Variants in EXOC4 observed in about 807,000 individuals in gnomAD.
EXOC4 encodes exocyst complex component 4.
EXOC4 carries 71 observed loss-of-function variants against 107.2 expected under a neutral mutation model. The observed-to-expected ratio is 0.66, with a 90% CI of 0.55 to 0.81. EXOC4 has a LOEUF of 0.81. EXOC4 is among the 30% of genes least tolerant of loss of function. The probability of loss-of-function intolerance (pLI) is 0.00; values close to 1 mark genes in which losing one functional copy is unlikely to be tolerated. For missense variants in EXOC4, 1,108 were observed against 1,189.6 expected, an observed-to-expected ratio of 0.93 and a Z score of 1.01; for synonymous variants, 456 against 441.2, an observed-to-expected ratio of 1.03 and a Z score of -0.42.
intron 7 of EXOC4, among the ~76,000 whole-genome samples, chr7:133,380,784 A>G (rs1011964933): frequency 1.3e-5 from 2 of 152,206 alleles, no homozygotes; most frequent in Non-Finnish European, 2.9e-5. Flanking sequence ...GTTAATGCAT[A>G]CATGTACCAA....
rs571009168 is a variant in EXOC4 at position 133,633,880 on chromosome 7, C to G, written c.1514+3739C>G. ...ATCCCTTTCAAGTGCGTAGGTCCTT[C>G]ACTTTCCTTTGCTACTTTTTCCCTA... is the stretch of plus-strand genomic sequence containing the variant. On this transcript the variant is annotated intron_variant, in intron 10 of 17. Transcript: ENST00000253861. 9.2e-5 allele frequency among the ~76,000 whole-genome samples: 14 copies of G among 152,202 alleles called. No individual in the cohort carries two copies. The South Asian group carries it at 2.9e-3, about 32-fold the overall frequency.
At chr7:133,255,871 A>G (rs1795004740) in intron 1 of EXOC4, among the ~76,000 whole-genome samples, 1 of 151,828 alleles carries the variant, frequency 6.6e-6, no homozygotes, top group Admixed American at 6.6e-5. Context: ...CCAGGAATGT[A>G]TGTTTCTTGT....
chr7:133,306,523 C>T (rs1794757435), intron 4 of EXOC4, among the ~76,000 whole-genome samples: 1 of 152,002 alleles, frequency 6.6e-6, no homozygotes, highest in Admixed American at 6.6e-5. Flanking sequence ...CAGAGCAAGA[C>T]TCTGTCTCTA....
chr7:133,474,621 A>AT (rs2150847801), intron 7 of EXOC4, among the ~76,000 whole-genome samples: 1 of 152,038 alleles, frequency 6.6e-6, no homozygotes, highest in Admixed American at 6.5e-5. Flanking sequence ...CTAGTAGTTG[A>AT]TTTTTTAAAA....
chr7:133,712,439 CAAAAAAAAAAAAAAAAA>C (rs58629398), intron 10 of EXOC4, among the ~76,000 whole-genome samples: 5 of 30,196 alleles, frequency 1.7e-4, no homozygotes, highest in Admixed American at 5.9e-4. Context: ...AACTCTGTCT[CAAAAAAAAAAAAAAAAA>C]AAAAAAAAAA....
intron 9 of EXOC4, among the ~76,000 whole-genome samples, chr7:133,607,478 A>C (rs1054588791): frequency 2.0e-5 from 3 of 152,260 alleles, no homozygotes; most frequent in Non-Finnish European, 4.4e-5. Flanking sequence ...ATTCGGCAGC[A>C]TCAAAAGGAC....
intron 9 of EXOC4, among the ~76,000 whole-genome samples, chr7:133,621,719 C>T (rs1802334584): frequency 6.6e-6 from 1 of 152,206 alleles, no homozygotes; most frequent in South Asian, 2.1e-4. Flanking sequence ...CTTGGAATTT[C>T]CCTTATTTCC....
intron 14 of EXOC4, among the ~76,000 whole-genome samples, chr7:133,955,451 G>A (rs1402536337): frequency 6.6e-6 from 1 of 152,190 alleles, no homozygotes; most frequent in Non-Finnish European, 1.5e-5. Context: ...ATCCTGTCGA[G>A]TGCTTAAGTC....
chr7:133,947,253 T>G (rs1037824784), intron 14 of EXOC4, among the ~76,000 whole-genome samples: 4 of 152,216 alleles, frequency 2.6e-5, no homozygotes, highest in African/African-American at 9.6e-5. Context: ...ATGAATCTTA[T>G]CCCTGGAGCT....
At chr7:134,041,858 ACT>A (rs1795527371) in intron 17 of EXOC4, among the ~76,000 whole-genome samples, 1 of 152,064 alleles carries the variant, frequency 6.6e-6, no homozygotes, top group African/African-American at 2.4e-5. Flanking sequence ...CTTTTTAATT[ACT>A]CTCTATCTTT....
At chr7:133,640,578 C>T (rs1407100787) in intron 10 of EXOC4, among the ~76,000 whole-genome samples, 4 of 152,142 alleles carry the variant, frequency 2.6e-5, no homozygotes, top group African/African-American at 9.7e-5. Context: ...AGTAAGAGAT[C>T]TTGCGGTGGA....
rs562211186 is a variant in EXOC4, at chr7:133,723,368, A to G, written c.1514+93227A>G. On this transcript the variant is annotated intron_variant, in intron 10 of 17. Coordinates refer to ENST00000253861, the MANE Select transcript of EXOC4 (RefSeq NM_021807.4). Reference sequence around the variant, plus strand: ...CATTCAATCTTAGATGGAATTGGTTAGAGAGGAGAAATAGAACACTATTTA... The same window carrying G: ...CATTCAATCTTAGATGGAATTGGTTGGAGAGGAGAAATAGAACACTATTTA... Among the ~76,000 whole-genome samples the G allele has an allele frequency of 5.9e-5, 9 of 152,372 alleles. No individual in the cohort carries two copies. In the East Asian group the frequency reaches 1.7e-3, roughly 29 times the overall value.
chr7:133,965,502 TG>T (rs997610787), intron 14 of EXOC4, among the ~76,000 whole-genome samples: 2 of 152,222 alleles, frequency 1.3e-5, no homozygotes, highest in Non-Finnish European at 2.9e-5. Flanking sequence ...ACTTAATTTT[TG>T]TATAAGGTGT....
intron 10 of EXOC4, among the ~76,000 whole-genome samples, chr7:133,635,996 A>G (rs191300434): frequency 1.3e-5 from 2 of 152,336 alleles, no homozygotes; most frequent in East Asian, 1.9e-4. Flanking sequence ...TTGGAGCCCT[A>G]TTTCAACTGG....
At chr7:134,002,869 G>A (rs1794561522) in intron 15 of EXOC4, among the ~76,000 whole-genome samples, 1 of 149,014 alleles carries the variant, frequency 6.7e-6, no homozygotes, top group Non-Finnish European at 1.5e-5. Flanking sequence ...TATACTGCCA[G>A]TAAGTAAGCA....
intron 11 of EXOC4, among the ~76,000 whole-genome samples, chr7:133,833,404 G>A (rs1054552011): frequency 4.6e-5 from 7 of 152,182 alleles, no homozygotes; most frequent in Admixed American, 1.3e-4. Context: ...ATTTCTTATA[G>A]AGGGAGCTAA....
Position 133,520,089 on chromosome 7 carries a change from A to T in EXOC4, c.1417+39951A>T, listed in dbSNP as rs1011512834. Reference sequence around the variant, plus strand: ...AATGAAAGAACTCTAAGAGGAAATGATAGCTTAATATTACCACAAAAATGT... The same window carrying T: ...AATGAAAGAACTCTAAGAGGAAATGTTAGCTTAATATTACCACAAAAATGT... On this transcript the variant is annotated intron_variant, in intron 9 of 17. Coordinates refer to ENST00000253861, the MANE Select transcript of EXOC4 (RefSeq NM_021807.4). Among the ~76,000 whole-genome samples the T allele has an allele frequency of 2.6e-5, 4 of 152,340 alleles. No homozygotes were observed. In the South Asian group the frequency reaches 8.3e-4, roughly 32 times the overall value.
rs1297726511 is a variant in EXOC4 at position 133,725,320 on chromosome 7, T to TC, written c.1515-92005_1515-92004insC. Among the ~76,000 whole-genome samples, 18 of 152,116 alleles carry TC rather than the reference T, an allele frequency of 1.2e-4. No homozygotes were observed. In the South Asian group the frequency reaches 3.7e-3, roughly 32 times the overall value. On this transcript the variant is annotated intron_variant, in intron 10 of 17. Transcript: ENST00000253861. Reference sequence around the variant, plus strand: ...AATGCAGATCAAGGCTTAGCAAAAATTTTTTTTCTTATAAAGGGCTAGCTA... The same window carrying TC: ...AATGCAGATCAAGGCTTAGCAAAAATCTTTTTTTCTTATAAAGGGCTAGCTA...
chr7:133,263,009 T>C (rs1388354460), intron 1 of EXOC4, among the ~76,000 whole-genome samples: 2 of 152,202 alleles, frequency 1.3e-5, no homozygotes, highest in Non-Finnish European at 2.9e-5. Context: ...GATGGTTTTA[T>C]AAATGAGAGT....
Sources: gnomAD v4.1 joint callset for allele counts (sites outside exome capture counted in the v4.1 genomes callset) on GRCh38, gnomAD v4.1.1 for gene constraint, MANE v1.5 for transcripts, NCBI Gene and HGNC (gene_info 2026-07-23, HGNC 2026-07-21) for gene names.